MAPRE3: variants seen among roughly 807,000 people sequenced by gnomAD.
The protein encoded by MAPRE3 is microtubule-associated protein RP/EB family member 3.
In MAPRE3, 2 loss-of-function variants were observed where a neutral mutation model predicts 30.5. The ratio of observed to expected loss-of-function variants is 0.07; its 90% CI spans 0.03 to 0.21. The LOEUF (loss-of-function observed/expected upper bound fraction) is 0.21. Ranked by LOEUF, MAPRE3 falls within the 10% of genes least tolerant of loss-of-function variation. The pLI is 1.00. For missense variants in MAPRE3, 204 were observed against 351.8 expected, an observed-to-expected ratio of 0.58 and a Z score of 3.36; for synonymous variants, 110 against 127.7, an observed-to-expected ratio of 0.86 and a Z score of 0.93.
At chr2:27,024,574 T>TAACTTGTTTGCCTCAAGATGATGGGGC (rs1157479118) in intron 4 of MAPRE3, among the ~76,000 whole-genome samples, 4 of 152,226 alleles carry the variant, frequency 2.6e-5, no homozygotes, top group African/African-American at 9.6e-5. Flanking sequence ...TAGCACGAGC[T>TAACTTGTTTGCCTCAAGATGATGGGGC]AACTTGTTTG....
intron 1 of MAPRE3, chr2:27,002,060 TC>T (rs1298742011): frequency 3.3e-5 from 5 of 152,274 alleles, no homozygotes; most frequent in Non-Finnish European, 7.3e-5. Flanking sequence ...TGCTTTACGG[TC>T]TCAAGGTGGC....
intron 1 of MAPRE3, among the ~76,000 whole-genome samples, chr2:26,993,064 G>A (rs1209917793): frequency 6.6e-6 from 1 of 152,084 alleles, no homozygotes; most frequent in East Asian, 1.9e-4. Context: ...AGACCCTGAT[G>A]AGGTAAAATA....
chr2:26,982,557 G>A (rs866132771), intron 1 of MAPRE3, among the ~76,000 whole-genome samples: 2 of 152,212 alleles, frequency 1.3e-5, no homozygotes, highest in South Asian at 4.1e-4. Flanking sequence ...CAAGCCAGGT[G>A]GGGCAGGAGC....
At chr2:27,007,551 G>A (rs1223844828) in intron 1 of MAPRE3, among the ~76,000 whole-genome samples, 1 of 152,196 alleles carries the variant, frequency 6.6e-6, no homozygotes, top group Admixed American at 6.5e-5. Flanking sequence ...AAAGAAAACA[G>A]TAGATAGCTG....
chr2:27,026,542 G>A lies in MAPRE3; in HGVS notation c.*194G>A. On this transcript the variant is annotated 3_prime_UTR_variant, in exon 7 of 7. Transcript: ENST00000233121. ...CAGAAGCCCGTCCTGGGTGGTGCTG[G>A]CCCAGTTGGTGGGACCCCTGTCCAC... The A allele has an allele frequency of 1.9e-6, 1 of 531,108 alleles. No individual in the cohort carries two copies. Among genetic ancestry groups the A allele is most frequent in the Non-Finnish European group, 3.3e-6 (1 of 303,200 alleles). 32.9% of individuals were successfully genotyped at this position (531,108 alleles called of 1,614,324 possible). A position where few individuals can be genotyped will look rare whatever the true frequency, so the allele number is the denominator to read the frequency against.
intron 1 of MAPRE3, among the ~76,000 whole-genome samples, chr2:26,975,014 C>T (rs1366657192): frequency 1.3e-5 from 2 of 152,290 alleles, no homozygotes; most frequent in East Asian, 3.9e-4. Flanking sequence ...CCGGCACTTG[C>T]ATTATTATTT....
intron 1 of MAPRE3, among the ~76,000 whole-genome samples, chr2:26,994,891 C>T (rs1187690698): frequency 6.9e-6 from 1 of 145,294 alleles, no homozygotes; most frequent in Non-Finnish European, 1.5e-5. Flanking sequence ...GGCTGGAGTG[C>T]AGCAGCAGGA....
intron 1 of MAPRE3, 97 bp downstream of exon 1, chr2:26,970,899 C>T (rs1333215770): frequency 2.1e-5 from 3 of 143,710 alleles, no homozygotes; most frequent in African/African-American, 7.6e-5. Context: ...CCCGCCCCTG[C>T]CTCCCCACCC....
chr2:27,005,696 T>C (rs1400445047), intron 1 of MAPRE3, among the ~76,000 whole-genome samples: 1 of 152,180 alleles, frequency 6.6e-6, no homozygotes, highest in Non-Finnish European at 1.5e-5. Flanking sequence ...AATGGCCTCA[T>C]TGAGAACATG....
chr2:26,997,375 C>T lies in MAPRE3; in HGVS notation c.-7-24837C>T, dbSNP rs563854942. Reference sequence around the variant, plus strand: ...GTTTTTTTGTGATTTTTTTTTTTAGCTCATGAGCTGTCCTTTGTGTTAGCG... The same window carrying T: ...GTTTTTTTGTGATTTTTTTTTTTAGTTCATGAGCTGTCCTTTGTGTTAGCG... On this transcript the variant is annotated intron_variant, in intron 1 of 6. Coordinates refer to ENST00000233121, the MANE Select transcript of MAPRE3 (RefSeq NM_012326.4). 3.3e-5 allele frequency among the ~76,000 whole-genome samples: 5 copies of T among 151,854 alleles called. No individual in the cohort carries two copies. The South Asian group carries it at 1.0e-3, about 32-fold the overall frequency.
chr2:27,023,259 T>G, intron 2 of MAPRE3, 73 bp from the exon 3 acceptor site: 1 of 1,505,232 alleles, frequency 6.6e-7, no homozygotes, highest in South Asian at 1.3e-5. Context: ...GAGACGGGGT[T>G]TGGGGAAGTG....
intron 1 of MAPRE3, among the ~76,000 whole-genome samples, chr2:26,991,078 C>G (rs937560527): frequency 2.6e-5 from 4 of 152,148 alleles, no homozygotes; most frequent in Admixed American, 2.0e-4. Context: ...ATGGTGAAAC[C>G]CCGTCTCTAC....
chr2:27,022,372 C>G lies in MAPRE3; in HGVS notation c.121+33C>G, dbSNP rs556967512. On this transcript the variant is annotated intron_variant, in intron 2 of 6. Transcript: ENST00000233121. The stretch of plus-strand genomic sequence containing the variant: ...GCTGGGAATATGGGAAGTGGCCCTG[C>G]TGGAAGGAAAGGAAAGAAAGGTCGG... 2.5e-6 allele frequency: 4 copies of G among 1,608,958 alleles called. No individual in the cohort carries two copies. In the South Asian group the frequency reaches 4.4e-5, roughly 18 times the overall value.
At chr2:26,988,608 T>A (rs542154693) in intron 1 of MAPRE3, among the ~76,000 whole-genome samples, 1 of 152,322 alleles carries the variant, frequency 6.6e-6, no homozygotes, top group South Asian at 2.1e-4. Context: ...ACTGACTGAT[T>A]AACAGTGACA....
intron 1 of MAPRE3, among the ~76,000 whole-genome samples, chr2:27,007,284 C>T (rs1022800596): frequency 4.6e-5 from 7 of 152,086 alleles, no homozygotes; most frequent in Non-Finnish European, 7.4e-5. Context: ...AAGGCCTTTT[C>T]GTGTTTAGAA....
At chr2:27,000,004 G>A (rs977372841) in intron 1 of MAPRE3, among the ~76,000 whole-genome samples, 3 of 152,070 alleles carry the variant, frequency 2.0e-5, no homozygotes, top group African/African-American at 2.4e-5. Context: ...TACAACTGCA[G>A]TAAGGAAGAA....
Position 27,026,129 on chromosome 2 carries a change from T to C in MAPRE3, c.777+97T>C, listed in dbSNP as rs1244273284. On this transcript the variant is annotated intron_variant, in intron 6 of 6. Coordinates refer to ENST00000233121, the MANE Select transcript of MAPRE3 (RefSeq NM_012326.4). ...AGAAGGGACCGTGGAGAACATTTAC[T>C]GATGAGAGAGAGGTGAAGTCACTAG... 7 of 1,498,848 alleles carry C rather than the reference T, an allele frequency of 4.7e-6. No homozygotes were observed. The Admixed American group carries it at 1.1e-4, about 23-fold the overall frequency. The allele number at this position is 1,498,848 out of a possible 1,614,324, so 92.8% of individuals were successfully genotyped here.
intron 1 of MAPRE3, among the ~76,000 whole-genome samples, chr2:27,002,513 T>C (rs1461883303): frequency 6.6e-6 from 1 of 151,942 alleles, no homozygotes; most frequent in Admixed American, 6.6e-5. Context: ...CCCTGTACCC[T>C]CAAAACCAGG....
At chr2:26,987,569 C>T (rs542082424) in intron 1 of MAPRE3, among the ~76,000 whole-genome samples, 31 of 152,026 alleles carry the variant, frequency 2.0e-4, no homozygotes, top group Middle Eastern at 3.4e-3. Context: ...ACCTGGGAGG[C>T]GGAGGTTGCA....
Sources: allele counts gnomAD v4.1 joint callset (sites outside exome capture counted in the v4.1 genomes callset), GRCh38; gene constraint gnomAD v4.1.1; transcripts MANE v1.5; gene names NCBI Gene and HGNC (gene_info 2026-07-23, HGNC 2026-07-21).